The following TMBIM6 variants were observed in gnomAD, a reference collection of about 807,000 sequenced individuals.
TMBIM6 encodes bax inhibitor 1.
A neutral mutation model predicts 31.4 loss-of-function variants in TMBIM6; 13 were observed. That is an observed-to-expected ratio of 0.41 (90% CI 0.27 to 0.66). TMBIM6 has a LOEUF of 0.66. Among genes scored for constraint, TMBIM6 ranks in the 30% least tolerant of loss-of-function variants. The pLI is 0.28. For missense variants in TMBIM6, 275 were observed against 289.5 expected (o/e 0.95, Z 0.36); for synonymous variants, 85 against 101.7 (o/e 0.84, Z 0.99).
chr12:49,746,437 T>C (rs1945395842), intron 1 of TMBIM6, among the ~76,000 whole-genome samples: 1 of 152,198 alleles, frequency 6.6e-6, no homozygotes, highest in Admixed American at 6.5e-5. Flanking sequence ...ATAACAATGT[T>C]AGTACACCAG....
In TMBIM6 at chr12:49,759,241, G is replaced by A. The variant is rs1373799042; in HGVS notation, c.534G>A (p.Leu178=). 6.2e-7 allele frequency: 1 copy of A among 1,614,122 alleles called. No homozygotes were observed. The highest frequency in any genetic ancestry group is 8.5e-7 in the Non-Finnish European group (1 of 1,179,998). ...WLFQANLYVG[L]VVMCGFVLFD... is the part of the protein sequence containing the mutation. ...GTTAGGCAAACCTGTATGTGGGACT[G>A]GTGGTCATGTGTGGCTTCGTCCTTT... Residue 178 remains leucine (L), a synonymous_variant, in exon 8 of 10, where the codon CTG becomes CTA. Transcript: ENST00000267115.
intron 1 of TMBIM6, among the ~76,000 whole-genome samples, chr12:49,751,028 T>C (rs1945484408): frequency 6.6e-6 from 1 of 152,164 alleles, no homozygotes; most frequent in South Asian, 2.1e-4. Context: ...ATGGCCCTGA[T>C]AGGAGTTTGG....
In TMBIM6 at chr12:49,752,874, T is replaced by C. The variant is rs1592726223; in HGVS notation, c.57-99T>C. ...TTTCAAACTATTTGTAACAGAACTTTTACATATTCCCAGGAAGGGAAAGAG... is the reference window on the plus strand; with the variant it reads ...TTTCAAACTATTTGTAACAGAACTTCTACATATTCCCAGGAAGGGAAAGAG... On this transcript the variant is annotated intron_variant, in intron 2 of 9. Coordinates refer to ENST00000267115, the MANE Select transcript of TMBIM6 (RefSeq NM_003217.3). The C allele has an allele frequency of 1.1e-5, 13 of 1,143,690 alleles. No individual in the cohort carries two copies. In the East Asian group the frequency reaches 3.1e-4, roughly 28 times the overall value. 70.8% of individuals were successfully genotyped at this position (1,143,690 alleles called of 1,614,324 possible).
At chr12:49,741,714 G>T (rs1945297448) in intron 1 of TMBIM6, 103 bp downstream of exon 1, 3 of 211,048 alleles carry the variant, frequency 1.4e-5, no homozygotes, top group South Asian at 1.1e-4. Context: ...TCTGCGGACA[G>T]ATGGCACCCT....
intron 2 of TMBIM6, 82 bp downstream of exon 2, chr12:49,752,631 T>A: frequency 8.2e-7 from 1 of 1,213,218 alleles, no homozygotes; most frequent in South Asian, 1.3e-5. Context: ...ATAACTTTTG[T>A]GTGTATAAGC....
rs991351450 is a variant in TMBIM6, at chr12:49,764,126, G to A, written c.*1230G>A. ...GAGTTAGGCGACCAAACCAGTGAGA[G>A]CCCCAATCCCTGCAGTTTTGTGGCT... On this transcript the variant is annotated 3_prime_UTR_variant, in exon 10 of 10. Transcript: ENST00000267115. 1 of 152,122 alleles carries A rather than the reference G, an allele frequency of 6.6e-6. No individual in the cohort carries two copies. The highest frequency in any genetic ancestry group is 6.5e-5 in the Admixed American group (1 of 15,272). 9.4% of individuals were successfully genotyped at this position (152,122 alleles called of 1,614,324 possible). A position where few individuals can be genotyped will look rare whatever the true frequency, so the allele number is the denominator to read the frequency against.
At position 49,749,159 on chromosome 12, in the gene TMBIM6, C is replaced by T. The variant is rs146810340; in HGVS notation, c.-30-3305C>T. Among the ~76,000 whole-genome samples, 7 of 152,320 alleles carry T rather than the reference C, an allele frequency of 4.6e-5. No individual in the cohort carries two copies. In the South Asian group the frequency reaches 6.2e-4, roughly 14 times the overall value. ...TTGAAACTTGGTAAGTTTATTTTAT[C>T]TGGCAAAACTTGTCAGAACAGTTTG... On this transcript the variant is annotated intron_variant, in intron 1 of 9. Coordinates refer to ENST00000267115, the MANE Select transcript of TMBIM6 (RefSeq NM_003217.3).
At chr12:49,751,621 G>A (rs1169136757) in intron 1 of TMBIM6, among the ~76,000 whole-genome samples, 1 of 151,980 alleles carries the variant, frequency 6.6e-6, no homozygotes, top group Admixed American at 6.6e-5. Flanking sequence ...TCTTAAATGT[G>A]TTAGGTTAAG....
chr12:49,758,666 T>C lies in TMBIM6; in HGVS notation c.434-17T>C, dbSNP rs1401725990. 6.2e-7 allele frequency: 1 copy of C among 1,613,090 alleles called. No homozygotes were observed. The highest frequency in any genetic ancestry group is 2.2e-5 in the East Asian group (1 of 44,890). Reference sequence around the variant, plus strand: ...GCCTTGGCTTCTCTCAAGACAGCTTTTTGCTGTGTCTTATAGGTATCTTGA... The same window carrying C: ...GCCTTGGCTTCTCTCAAGACAGCTTCTTGCTGTGTCTTATAGGTATCTTGA... On this transcript the variant is annotated splice_polypyrimidine_tract_variant and intron_variant, in intron 6 of 9. Coordinates refer to ENST00000267115, the MANE Select transcript of TMBIM6 (RefSeq NM_003217.3).
At chr12:49,755,218 A>G (rs1388469399) in intron 3 of TMBIM6, among the ~76,000 whole-genome samples, 2 of 152,124 alleles carry the variant, frequency 1.3e-5, no homozygotes, top group Non-Finnish European at 1.5e-5. Context: ...CGGCCTCCCA[A>G]AGTGCTGGGA....
rs952506564 is a variant in TMBIM6 at position 49,764,911 on chromosome 12, A to G, written c.*2015A>G. On this transcript the variant is annotated 3_prime_UTR_variant, in exon 10 of 10. Coordinates refer to ENST00000267115, the MANE Select transcript of TMBIM6 (RefSeq NM_003217.3). ...ATCTGCATAGTCTTAATTTGTAAAA[A>G]ATAAAGAAAATTCCTTAACCTTTCC... 2.0e-5 allele frequency: 3 copies of G among 152,178 alleles called. No individual in the cohort carries two copies. Among genetic ancestry groups the G allele is most frequent in the African/African-American group, 7.2e-5 (3 of 41,442 alleles). 9.4% of individuals were successfully genotyped at this position (152,178 alleles called of 1,614,324 possible). A position where few individuals can be genotyped will look rare whatever the true frequency, so the allele number is the denominator to read the frequency against.
At chr12:49,742,276 G>C in intron 1 of TMBIM6, 1 of 1,595,084 alleles carries the variant, frequency 6.3e-7, no homozygotes, top group Non-Finnish European at 8.5e-7. Context: ...GTTACCTTTG[G>C]GCAGGTGAGG....
At chr12:49,759,633 C>T (rs1379103337) in intron 8 of TMBIM6, among the ~76,000 whole-genome samples, 1 of 151,842 alleles carries the variant, frequency 6.6e-6, no homozygotes, top group African/African-American at 2.4e-5. Flanking sequence ...GGCGAAATCC[C>T]ATCTCTACTA....
intron 1 of TMBIM6, among the ~76,000 whole-genome samples, chr12:49,750,239 C>T (rs1184405786): frequency 6.6e-6 from 1 of 152,178 alleles, no homozygotes; most frequent in African/African-American, 2.4e-5. Flanking sequence ...TTCCGCCAAG[C>T]AGGGTCTGGT....
At chr12:49,742,382 G>C in intron 1 of TMBIM6, 2 of 1,431,096 alleles carry the variant, frequency 1.4e-6, no homozygotes, top group Non-Finnish European at 9.3e-7. Context: ...GGGCCTACTT[G>C]CTGGACCTGT....
intron 2 of TMBIM6, 44 bp downstream of exon 2, chr12:49,752,593 C>G (rs370509129): frequency 2.1e-6 from 3 of 1,457,824 alleles, no homozygotes; most frequent in Non-Finnish European, 2.9e-6. Context: ...CATTTCTTTT[C>G]ATATCTCTTT....
intron 1 of TMBIM6, chr12:49,742,206 G>A (rs759907492): frequency 5.0e-6 from 8 of 1,613,334 alleles, no homozygotes; most frequent in Non-Finnish European, 3.4e-6. Flanking sequence ...GGAAGTGAGA[G>A]GAGTCTGGGG....
chr12:49,762,448 C>A (rs568705943), intron 9 of TMBIM6, among the ~76,000 whole-genome samples: 4 of 152,330 alleles, frequency 2.6e-5, no homozygotes, highest in Admixed American at 6.5e-5. Context: ...TTCTGAATGT[C>A]AGTTTATGCC....
intron 1 of TMBIM6, among the ~76,000 whole-genome samples, chr12:49,745,735 A>AAAAACAAAAAAAAAC (rs375099364): frequency 6.6e-6 from 1 of 150,506 alleles, no homozygotes; most frequent in African/African-American, 2.5e-5. Flanking sequence ...AAAAAAAAAA[A>AAAAACAAAAAAAAAC]CCCAGCACAT....
Sources: gnomAD v4.1 joint callset for allele counts (sites outside exome capture counted in the v4.1 genomes callset) on GRCh38, gnomAD v4.1.1 for gene constraint, MANE v1.5 for transcripts, NCBI Gene and HGNC (gene_info 2026-07-23, HGNC 2026-07-21) for gene names.